The following PDE10A variants were observed in gnomAD, a reference collection of about 807,000 sequenced individuals.
PDE10A encodes the protein cAMP and cAMP-inhibited cGMP 3',5'-cyclic phosphodiesterase 10A.
In PDE10A, 39 loss-of-function variants were observed where a neutral mutation model predicts 97.7. The observed-to-expected ratio is 0.40, with a 90% CI of 0.31 to 0.52. The LOEUF (loss-of-function observed/expected upper bound fraction) is 0.52. PDE10A is among the 20% of genes least tolerant of loss of function. The pLI is 0.56. For missense variants in PDE10A, 731 were observed against 1,047.8 expected (o/e 0.70, Z 4.17); for synonymous variants, 371 against 376.8 (o/e 0.98, Z 0.18).
At chr6:165,466,915 C>T (rs530836815) in intron 3 of PDE10A, among the ~76,000 whole-genome samples, 1 of 152,172 alleles carries the variant, frequency 6.6e-6, no homozygotes, top group Admixed American at 6.5e-5. Flanking sequence ...TCTCTTGCTC[C>T]AGTTAGTGAA....
At chr6:165,469,202 T>TCG (rs1160790255) in intron 3 of PDE10A, among the ~76,000 whole-genome samples, 1 of 152,318 alleles carries the variant, frequency 6.6e-6, no homozygotes, top group Admixed American at 6.5e-5. Flanking sequence ...GACAAACGGT[T>TCG]CGCGTCTGTA....
At chr6:165,767,746 T>C (rs78850845) in intron 1 of PDE10A, among the ~76,000 whole-genome samples, 3,597 of 152,346 alleles carry the variant, frequency 0.024, 89 homozygotes, top group African/African-American at 0.063. Flanking sequence ...GCTACGAACA[T>C]TCAAATCCTC....
rs773012316 is a variant in PDE10A at position 165,336,112 on chromosome 6, A to G, written c.3065+11T>C. On this transcript the variant is annotated intron_variant, in intron 21 of 21. Coordinates refer to ENST00000539869, the MANE Select transcript of PDE10A (RefSeq NM_001385079.1). ...AAACAATATTTTTACGGCTTGAACC[A>G]TAGTACATACCTGCATGCTTTCAGA... is the stretch of plus-strand genomic sequence containing the variant. The G allele has an allele frequency of 2.5e-6, 4 of 1,590,570 alleles. No homozygotes were observed. Among genetic ancestry groups the G allele is most frequent in the African/African-American group, 1.3e-5 (1 of 74,396 alleles).
intron 1 of PDE10A, among the ~76,000 whole-genome samples, chr6:165,567,962 G>C (rs1370597093): frequency 6.7e-6 from 1 of 148,392 alleles, no homozygotes; most frequent in Non-Finnish European, 1.5e-5. Context: ...CCTAAGCCAA[G>C]TGCCCAGCAC....
At position 165,812,966 on chromosome 6, in the gene PDE10A, C is replaced by G. The variant is rs1194653138; in HGVS notation, c.-615+174563G>C. 2.0e-5 allele frequency among the ~76,000 whole-genome samples: 3 copies of G among 152,210 alleles called. No homozygotes were observed. The East Asian group carries it at 5.8e-4, about 29-fold the overall frequency. On this transcript the variant is annotated intron_variant, in intron 1 of 19. Transcript: ENST00000366882. ...TCTGCAAAGTATCCACCCCTAATTT[C>G]TAAACCCAGTGGTTTCTGTGTCTGC...
intron 1 of PDE10A, among the ~76,000 whole-genome samples, chr6:165,854,476 G>A (rs1261235933): frequency 1.3e-5 from 2 of 152,158 alleles, no homozygotes; most frequent in South Asian, 2.1e-4. Flanking sequence ...GACGTCCCCC[G>A]GTGTCCACCT....
intron 18 of PDE10A, among the ~76,000 whole-genome samples, chr6:165,366,761 C>A (rs1237829427): frequency 6.6e-6 from 1 of 152,110 alleles, no homozygotes; most frequent in Non-Finnish European, 1.5e-5. Flanking sequence ...TCATACAAAT[C>A]CCTGACAGAG....
At chr6:165,928,865 G>A (rs1477503897) in intron 1 of PDE10A, among the ~76,000 whole-genome samples, 1 of 152,210 alleles carries the variant, frequency 6.6e-6, no homozygotes, top group Non-Finnish European at 1.5e-5. Context: ...TGTACTCAGG[G>A]AAATGAATGA....
chr6:165,555,883 T>C (rs1254333412), intron 1 of PDE10A, among the ~76,000 whole-genome samples: 1 of 152,182 alleles, frequency 6.6e-6, no homozygotes, highest in African/African-American at 2.4e-5. Flanking sequence ...CAAAGACAAG[T>C]ACAGTTGACA....
intron 18 of PDE10A, among the ~76,000 whole-genome samples, chr6:165,373,614 C>T (rs1033610253): frequency 3.3e-5 from 5 of 152,094 alleles, no homozygotes; most frequent in Non-Finnish European, 7.4e-5. Flanking sequence ...GAAATAGGAA[C>T]ACTTTTACAC....
At chr6:165,891,015 T>G (rs186891691) in intron 1 of PDE10A, among the ~76,000 whole-genome samples, 1 of 152,304 alleles carries the variant, frequency 6.6e-6, no homozygotes, top group African/African-American at 2.4e-5. Context: ...GTAGACTGCC[T>G]TTTTGAAACT....
intron 5 of PDE10A, among the ~76,000 whole-genome samples, chr6:165,445,564 T>C (rs549472529): frequency 2.6e-5 from 4 of 152,280 alleles, no homozygotes; most frequent in African/African-American, 9.6e-5. Flanking sequence ...TCATCTTGGG[T>C]TGAAGGACAA....
At chr6:165,427,506 G>A (rs1470476520) in intron 10 of PDE10A, among the ~76,000 whole-genome samples, 1 of 152,092 alleles carries the variant, frequency 6.6e-6, no homozygotes, top group African/African-American at 2.4e-5. Context: ...AAGCTAAGGA[G>A]ATGATAGCTA....
intron 1 of PDE10A, among the ~76,000 whole-genome samples, chr6:165,696,497 T>C (rs368422334): frequency 5.3e-5 from 8 of 152,134 alleles, no homozygotes; most frequent in African/African-American, 1.7e-4. Flanking sequence ...TTAAAAAACA[T>C]AGTATATGTA....
intron 7 of PDE10A, among the ~76,000 whole-genome samples, chr6:165,431,782 T>C (rs1391693215): frequency 1.3e-5 from 2 of 151,968 alleles, no homozygotes; most frequent in Non-Finnish European, 2.9e-5. Context: ...ATTTTCCCCA[T>C]CTATTTAACT....
chr6:165,886,002 T>C (rs1203076832), intron 1 of PDE10A, among the ~76,000 whole-genome samples: 1 of 152,218 alleles, frequency 6.6e-6, no homozygotes, highest in Non-Finnish European at 1.5e-5. Context: ...TCGAAAAATA[T>C]TGTCTATCAT....
intron 13 of PDE10A, among the ~76,000 whole-genome samples, chr6:165,402,663 G>A (rs1169037907): frequency 1.3e-5 from 2 of 152,104 alleles, no homozygotes; most frequent in South Asian, 2.1e-4. Flanking sequence ...TCTTAGGCAC[G>A]AGGATATTGA....
chr6:165,806,379 C>G (rs756851554), intron 1 of PDE10A, among the ~76,000 whole-genome samples: 3 of 152,222 alleles, frequency 2.0e-5, no homozygotes, highest in Non-Finnish European at 4.4e-5. Flanking sequence ...GGGTAGGTGA[C>G]TCACCCTAGT....
chr6:165,440,536 A>ACT (rs927329454), intron 5 of PDE10A, among the ~76,000 whole-genome samples: 2 of 152,218 alleles, frequency 1.3e-5, no homozygotes, highest in African/African-American at 4.8e-5. Flanking sequence ...AAGCACAGTA[A>ACT]CTTTGGAATG....
Sources: allele counts gnomAD v4.1 joint callset (sites outside exome capture counted in the v4.1 genomes callset), GRCh38; gene constraint gnomAD v4.1.1; transcripts MANE v1.5; gene names NCBI Gene and HGNC (gene_info 2026-07-23, HGNC 2026-07-21).